ATP2B2: variants seen among roughly 807,000 people sequenced by gnomAD.
ATP2B2 encodes ATPase plasma membrane Ca2+ transporting 2.
ATP2B2 carries 15 observed loss-of-function variants against 120.0 expected under a neutral mutation model. That is an observed-to-expected ratio of 0.12 (90% CI 0.08 to 0.19). The LOEUF is 0.19. ATP2B2 is among the 10% of genes least tolerant of loss of function. The pLI is 1.00. For missense variants in ATP2B2, 1,045 were observed against 1,719.8 expected (o/e 0.61, Z 6.94); for synonymous variants, 694 against 700.3 (o/e 0.99, Z 0.14).
intron 1 of ATP2B2, among the ~76,000 whole-genome samples, chr3:10,665,800 G>T (rs12636308): frequency 6.6e-6 from 1 of 152,090 alleles, no homozygotes; most frequent in Non-Finnish European, 1.5e-5. Context: ...CCTCCAGCAG[G>T]GGATAAGCTG....
At chr3:10,672,147 T>G (rs1046527266) in intron 1 of ATP2B2, among the ~76,000 whole-genome samples, 3 of 152,190 alleles carry the variant, frequency 2.0e-5, no homozygotes, top group African/African-American at 7.2e-5. Flanking sequence ...ACGCCTCCAC[T>G]GGTTAAAATC....
intron 1 of ATP2B2, among the ~76,000 whole-genome samples, chr3:10,677,648 T>C (rs1443798953): frequency 3.3e-5 from 5 of 152,180 alleles, no homozygotes; most frequent in Non-Finnish European, 7.3e-5. Flanking sequence ...AGGGAGTCTA[T>C]GGGACCTCTC....
chr3:10,639,001 T>C (rs1282583172), intron 1 of ATP2B2, among the ~76,000 whole-genome samples: 1 of 152,184 alleles, frequency 6.6e-6, no homozygotes, highest in Non-Finnish European at 1.5e-5. Context: ...TTCACAATCA[T>C]CGTTGGAGAT....
intron 2 of ATP2B2, among the ~76,000 whole-genome samples, chr3:10,559,661 G>C (rs777663862): frequency 6.6e-6 from 1 of 152,116 alleles, no homozygotes; most frequent in African/African-American, 2.4e-5. Flanking sequence ...CAAGCCCCCC[G>C]ACTTCCAATC....
intron 2 of ATP2B2, among the ~76,000 whole-genome samples, chr3:10,601,406 G>T (rs1175195193): frequency 6.6e-6 from 1 of 152,182 alleles, no homozygotes; most frequent in East Asian, 1.9e-4. Context: ...AATAACACGG[G>T]GAGGGAGGCC....
intron 1 of ATP2B2, among the ~76,000 whole-genome samples, chr3:10,462,533 G>A (rs2125241069): frequency 6.6e-6 from 1 of 152,340 alleles, no homozygotes; most frequent in East Asian, 1.9e-4. Flanking sequence ...GTCAGAGGCT[G>A]TGTGAGGCTC....
chr3:10,669,121 A>G (rs942544898), intron 1 of ATP2B2, among the ~76,000 whole-genome samples: 1 of 152,218 alleles, frequency 6.6e-6, no homozygotes, highest in African/African-American at 2.4e-5. Context: ...ACCCTCTGGG[A>G]AGCCACAGTC....
Position 10,343,631 on chromosome 3 carries a change from C to T in ATP2B2, c.2704-666G>A, listed in dbSNP as rs1409477602. Among the ~76,000 whole-genome samples, 4 of 151,980 alleles carry T rather than the reference C, an allele frequency of 2.6e-5. No individual in the cohort carries two copies. The highest frequency in any genetic ancestry group is 2.1e-4 in the South Asian group (1 of 4,816). On this transcript the variant is annotated intron_variant, in intron 18 of 22. Coordinates refer to ENST00000360273, the MANE Select transcript of ATP2B2 (RefSeq NM_001001331.4). This position sits in a 1 kb window ranked among gnomAD's most constrained non-coding sequence, Gnocchi z 4.2. ...GGCTGAGAGGAGCTGGTTCTTCTGT[C>T]CCCATCCTTCCTCACACCCCCACGT...
At chr3:10,408,127 G>C (rs1025660876) in intron 3 of ATP2B2, among the ~76,000 whole-genome samples, 1 of 152,210 alleles carries the variant, frequency 6.6e-6, no homozygotes, top group African/African-American at 2.4e-5. Flanking sequence ...GCCCTGTTGG[G>C]GATCTTTGAC....
intron 14 of ATP2B2, among the ~76,000 whole-genome samples, chr3:10,356,744 A>C (rs990208847): frequency 2.0e-5 from 3 of 152,222 alleles, no homozygotes; most frequent in African/African-American, 7.2e-5. Flanking sequence ...ACGAGATAAC[A>C]CATCACAGTG....
chr3:10,405,280 C>T (rs1485705133), intron 3 of ATP2B2, among the ~76,000 whole-genome samples: 1 of 152,184 alleles, frequency 6.6e-6, no homozygotes, highest in Non-Finnish European at 1.5e-5. Context: ...GCACCCTATT[C>T]CAACTCCCAG....
intron 1 of ATP2B2, among the ~76,000 whole-genome samples, chr3:10,490,766 T>C (rs909609308): frequency 6.6e-6 from 1 of 152,166 alleles, no homozygotes; most frequent in Admixed American, 6.5e-5. Flanking sequence ...AGTAGGTGCA[T>C]GTAGCTGACC....
intron 1 of ATP2B2, among the ~76,000 whole-genome samples, chr3:10,620,269 C>T (rs2069508874): frequency 1.3e-5 from 2 of 152,164 alleles, no homozygotes; most frequent in East Asian, 1.9e-4. Context: ...TGGGCATCCT[C>T]CCCTCTTTGC....
chr3:10,493,063 C>T (rs1559408655), intron 1 of ATP2B2, among the ~76,000 whole-genome samples: 2 of 152,156 alleles, frequency 1.3e-5, no homozygotes, highest in African/African-American at 4.8e-5. Flanking sequence ...CACAAATCTG[C>T]TGAGCACCTC....
chr3:10,603,130 C>A (rs190767142), intron 2 of ATP2B2, among the ~76,000 whole-genome samples: 1 of 152,330 alleles, frequency 6.6e-6, no homozygotes, highest in East Asian at 1.9e-4. Context: ...CCCTGGTGAC[C>A]CCGGCCCTCT....
intron 2 of ATP2B2, among the ~76,000 whole-genome samples, chr3:10,576,557 G>C (rs2068252384): frequency 6.6e-6 from 1 of 151,896 alleles, no homozygotes; most frequent in African/African-American, 2.4e-5. Context: ...TTTTTAAATT[G>C]TTTGTAGAGA....
intron 2 of ATP2B2, among the ~76,000 whole-genome samples, chr3:10,601,147 G>A (rs181967688): frequency 6.6e-6 from 1 of 152,300 alleles, no homozygotes; most frequent in East Asian, 1.9e-4. Flanking sequence ...AGAGGGGATA[G>A]TGTGCCAAGT....
At chr3:10,418,598 G>A (rs891732290) in intron 2 of ATP2B2, among the ~76,000 whole-genome samples, 3 of 152,154 alleles carry the variant, frequency 2.0e-5, no homozygotes, top group African/African-American at 7.2e-5. Context: ...GAGGCCCCAT[G>A]GGGCTGCACG....
At chr3:10,559,798 T>C (rs759600398) in intron 2 of ATP2B2, among the ~76,000 whole-genome samples, 1 of 152,232 alleles carries the variant, frequency 6.6e-6, no homozygotes, top group Non-Finnish European at 1.5e-5. Context: ...GTGGTAACTC[T>C]GCACGTGTTC....
Sources: allele counts gnomAD v4.1 joint callset (sites outside exome capture counted in the v4.1 genomes callset), GRCh38; gene constraint gnomAD v4.1.1; non-coding constraint Gnocchi (gnomAD v3.1); transcripts MANE v1.5; gene names NCBI Gene and HGNC (gene_info 2026-07-23, HGNC 2026-07-21).